IL1RAPL1: variants seen among roughly 807,000 people sequenced by gnomAD.
IL1RAPL1 encodes interleukin-1 receptor accessory protein-like 1.
IL1RAPL1 carries 3 observed loss-of-function variants against 48.4 expected under a neutral mutation model. The observed-to-expected ratio is 0.06, with a 90% CI of 0.03 to 0.16. The LOEUF is 0.16. Ranked by LOEUF, IL1RAPL1 falls within the 10% of genes least tolerant of loss-of-function variation. The pLI is 1.00. For missense variants in IL1RAPL1, 349 were observed against 530.6 expected (o/e 0.66, Z 3.36); for synonymous variants, 185 against 187.7 (o/e 0.99, Z 0.12).
chrX:29,189,217 G>A (rs1353477285), intron 2 of IL1RAPL1, among the ~76,000 whole-genome samples: 1 of 111,966 alleles, frequency 8.9e-6, no homozygotes, highest in African/African-American at 3.2e-5. Context: ...CATTTAAAGG[G>A]CATGGATTTT....
At chrX:28,597,033 C>A (rs916772231) in intron 1 of IL1RAPL1, among the ~76,000 whole-genome samples, 4 of 110,698 alleles carry the variant, frequency 3.6e-5, no homozygotes, top group Admixed American at 1.9e-4. Flanking sequence ...ATGTGACCTT[C>A]TAAATAGAGG....
chrX:29,851,613 G>A (rs972629396), intron 6 of IL1RAPL1, among the ~76,000 whole-genome samples: 4 of 111,475 alleles, frequency 3.6e-5, no homozygotes, highest in Non-Finnish European at 7.5e-5. Context: ...TGCCTTTTCT[G>A]TCATGCCTAC....
intron 2 of IL1RAPL1, among the ~76,000 whole-genome samples, chrX:28,854,430 T>C (rs1482508642): frequency 1.8e-5 from 2 of 109,362 alleles, no homozygotes; most frequent in Non-Finnish European, 3.8e-5. Context: ...TTTAGGAAGA[T>C]GTGAAATTTA....
intron 2 of IL1RAPL1, among the ~76,000 whole-genome samples, chrX:29,202,750 A>T (rs975073210): frequency 1.8e-5 from 2 of 112,047 alleles, no homozygotes; most frequent in Non-Finnish European, 1.9e-5. Context: ...AAGTGAACTA[A>T]CACAGGAACA....
intron 2 of IL1RAPL1, among the ~76,000 whole-genome samples, chrX:28,805,254 A>G (rs1230682429): frequency 3.6e-5 from 4 of 111,399 alleles, no homozygotes; most frequent in Non-Finnish European, 7.6e-5. Context: ...CAGTGAAGAG[A>G]GGGAGGTGGA....
chrX:29,052,429 CTG>C (rs765321620), intron 2 of IL1RAPL1, among the ~76,000 whole-genome samples: 22 of 111,561 alleles, frequency 2.0e-4, no homozygotes, highest in Non-Finnish European at 3.8e-4. Flanking sequence ...TTAAAATTCC[CTG>C]TGTTAGCAAT....
At chrX:29,444,550 A>G (rs142704166) in intron 5 of IL1RAPL1, among the ~76,000 whole-genome samples, 1 of 109,925 alleles carries the variant, frequency 9.1e-6, no homozygotes, top group Admixed American at 9.8e-5. Flanking sequence ...TATCACACTA[A>G]TATAGGGAAC....
In IL1RAPL1 at chrX:28,893,102, A is replaced by G. The variant is rs964067199; in HGVS notation, c.82+103677A>G. Among the ~76,000 whole-genome samples, 7 of 111,290 alleles carry G rather than the reference A, an allele frequency of 6.3e-5. 1 individual carries two copies. The highest frequency in any genetic ancestry group is 1.6e-4 in the African/African-American group (5 of 30,554). On this transcript the variant is annotated intron_variant, in intron 2 of 10. Transcript: ENST00000378993. Reference sequence around the variant, plus strand: ...GAGACTGGTGAATAGGAGTATGACTAGACAGAAGATAGCAGGGATGACAAG... The same window carrying G: ...GAGACTGGTGAATAGGAGTATGACTGGACAGAAGATAGCAGGGATGACAAG...
chrX:28,928,108 A>G (rs1474203646), intron 2 of IL1RAPL1, among the ~76,000 whole-genome samples: 1 of 110,641 alleles, frequency 9.0e-6, no homozygotes, highest in East Asian at 2.8e-4. Flanking sequence ...ACAACAAACA[A>G]ACCTGCTGAG....
chrX:29,772,540 G>T, intron 6 of IL1RAPL1, among the ~76,000 whole-genome samples: 1 of 111,302 alleles, frequency 9.0e-6, no homozygotes, highest in Non-Finnish European at 1.9e-5. Flanking sequence ...AACTTCTGAG[G>T]GTCTGCGGTG....
At chrX:28,704,824 ACACACAC>A (rs1362706675) in intron 1 of IL1RAPL1, among the ~76,000 whole-genome samples, 2 of 59,321 alleles carry the variant, frequency 3.4e-5, no homozygotes, top group African/African-American at 1.2e-4. Context: ...ACACACACAC[ACACACAC>A]AAAAAAAAAA....
intron 2 of IL1RAPL1, among the ~76,000 whole-genome samples, chrX:29,274,905 C>T (rs1478857793): frequency 1.8e-5 from 2 of 111,054 alleles, no homozygotes; most frequent in Non-Finnish European, 1.9e-5. Flanking sequence ...TCAATTTCAG[C>T]ATCCTGTTGA....
chrX:29,609,258 C>A (rs1023169768), intron 5 of IL1RAPL1, among the ~76,000 whole-genome samples: 1 of 112,041 alleles, frequency 8.9e-6, no homozygotes, highest in Non-Finnish European at 1.9e-5. Flanking sequence ...TGGCCTATCC[C>A]GGATCTAAGC....
rs1211648238 is a variant in IL1RAPL1, at chrX:29,956,202, T to A, written c.*382T>A. On this transcript the variant is annotated 3_prime_UTR_variant, in exon 11 of 11. Transcript: ENST00000378993. ...CTTTGCTTTTAACATTTCCTTGGGG[T>A]GCTTGGACAAATCTATCCGATGGGA... 1.1e-5 allele frequency: 2 copies of A among 187,938 alleles called. No homozygotes were observed. Among genetic ancestry groups the A allele is most frequent in the African/African-American group, 6.3e-5 (2 of 31,924 alleles). The allele number at this position is 187,938 out of a possible 1,213,427, so 15.5% of individuals were successfully genotyped here. A position where few individuals can be genotyped will look rare whatever the true frequency, so the allele number is the denominator to read the frequency against.
At chrX:28,935,484 T>C (rs1372408610) in intron 2 of IL1RAPL1, among the ~76,000 whole-genome samples, 1 of 111,941 alleles carries the variant, frequency 8.9e-6, no homozygotes, top group East Asian at 2.8e-4. Flanking sequence ...CGTTGACTTA[T>C]GTGTCCATCT....
chrX:29,050,922 A>T (rs1927079004), intron 2 of IL1RAPL1, among the ~76,000 whole-genome samples: 1 of 112,482 alleles, frequency 8.9e-6, no homozygotes, highest in African/African-American at 3.2e-5. Context: ...TCAATGAAAA[A>T]AGTAATGCCA....
chrX:29,371,900 A>T (rs955506499), intron 3 of IL1RAPL1, among the ~76,000 whole-genome samples: 1 of 112,212 alleles, frequency 8.9e-6, no homozygotes, highest in Non-Finnish European at 1.9e-5. Flanking sequence ...GGTGATGAAC[A>T]TATAAGTGCA....
chrX:29,868,534 G>A (rs1007791348), intron 6 of IL1RAPL1, among the ~76,000 whole-genome samples: 4 of 111,786 alleles, frequency 3.6e-5, no homozygotes, highest in African/African-American at 9.8e-5. Flanking sequence ...AACACAATGC[G>A]TGGCACATGG....
At chrX:29,871,968 G>A (rs546912588) in intron 6 of IL1RAPL1, among the ~76,000 whole-genome samples, 67 of 111,477 alleles carry the variant, frequency 6.0e-4, no homozygotes, top group Middle Eastern at 9.1e-3. Context: ...TGATCCGCCC[G>A]CCTCAGCCTC....
Sources: gnomAD v4.1 joint callset for allele counts (sites outside exome capture counted in the v4.1 genomes callset) on GRCh38, gnomAD v4.1.1 for gene constraint, MANE v1.5 for transcripts, NCBI Gene and HGNC (gene_info 2026-07-23, HGNC 2026-07-21) for gene names.